Variants in KDM4C observed in about 807,000 individuals in gnomAD.
KDM4C encodes the protein lysine-specific demethylase 4C.
In KDM4C, 81 loss-of-function variants were observed where a neutral mutation model predicts 129.3. The ratio of observed to expected loss-of-function variants is 0.63; its 90% CI spans 0.52 to 0.75. KDM4C has a LOEUF of 0.75. Ranked by LOEUF, KDM4C falls within the 30% of genes least tolerant of loss-of-function variation. The pLI is 0.00. For synonymous variants in KDM4C, 573 were observed against 456.1 expected (o/e 1.26, Z -3.26); for missense variants, 1,457 against 1,304.0 (o/e 1.12, Z -1.81).
chr9:6,815,027 T>C (rs1831829640), intron 4 of KDM4C: 1 of 232,988 alleles, frequency 4.3e-6, no homozygotes, highest in East Asian at 8.2e-5. Flanking sequence ...AAAAATACAT[T>C]ATAAAAATGT....
chr9:6,838,772 G>T (rs1836353956), intron 4 of KDM4C, among the ~76,000 whole-genome samples: 1 of 152,114 alleles, frequency 6.6e-6, no homozygotes, highest in Non-Finnish European at 1.5e-5. Flanking sequence ...TTAGAAAGAA[G>T]CAGCAAAAAA....
chr9:6,874,325 C>T (rs937630418), intron 5 of KDM4C, among the ~76,000 whole-genome samples: 10 of 152,108 alleles, frequency 6.6e-5, no homozygotes, highest in African/African-American at 2.2e-4. Context: ...AATTAGTAAA[C>T]ACTTGGATGT....
At chr9:6,881,316 A>T (rs1844414017) in intron 6 of KDM4C, among the ~76,000 whole-genome samples, 2 of 152,218 alleles carry the variant, frequency 1.3e-5, no homozygotes, top group South Asian at 4.1e-4. Flanking sequence ...TCTTTTTAAA[A>T]ATGTAATACA....
intron 1 of KDM4C, among the ~76,000 whole-genome samples, chr9:6,777,497 T>A (rs1823336893): frequency 6.6e-6 from 1 of 152,214 alleles, no homozygotes; most frequent in Non-Finnish European, 1.5e-5. Flanking sequence ...TCTGCCTCAT[T>A]TTATCTTTTC....
intron 8 of KDM4C, among the ~76,000 whole-genome samples, chr9:6,919,269 T>G (rs867545332): frequency 1.4e-5 from 2 of 147,366 alleles, no homozygotes; most frequent in Admixed American, 6.7e-5. Context: ...CTTTCTTTCT[T>G]TCTGTCTCTC....
intron 1 of KDM4C, among the ~76,000 whole-genome samples, chr9:6,777,494 C>T (rs954478414): frequency 2.6e-5 from 4 of 152,328 alleles, no homozygotes; most frequent in South Asian, 4.1e-4. Flanking sequence ...TGATCTGCCT[C>T]ATTTTATCTT....
chr9:7,027,169 T>G (rs189389534), intron 15 of KDM4C, among the ~76,000 whole-genome samples: 1 of 152,256 alleles, frequency 6.6e-6, no homozygotes, highest in Admixed American at 6.5e-5. Flanking sequence ...GTCTAGGCAT[T>G]AAAGAGTTAG....
At chr9:7,020,549 G>T (rs1410078274) in intron 15 of KDM4C, among the ~76,000 whole-genome samples, 1 of 152,080 alleles carries the variant, frequency 6.6e-6, no homozygotes, top group African/African-American at 2.4e-5. Flanking sequence ...TTTAGAGCAC[G>T]TTCCAAACAT....
intron 4 of KDM4C, among the ~76,000 whole-genome samples, chr9:6,846,698 G>A (rs1297601594): frequency 6.6e-6 from 1 of 152,156 alleles, no homozygotes; most frequent in Non-Finnish European, 1.5e-5. Context: ...TTAACGGGGA[G>A]AAATTCAGTA....
chr9:6,785,638 C>A (rs536996216), intron 1 of KDM4C, among the ~76,000 whole-genome samples: 66 of 152,310 alleles, frequency 4.3e-4, no homozygotes, highest in African/African-American at 1.5e-3. Context: ...CGCCTGGCTT[C>A]TTCTCTTCCT....
intron 17 of KDM4C, among the ~76,000 whole-genome samples, chr9:7,064,010 C>T (rs897150723): frequency 3.9e-5 from 6 of 152,184 alleles, no homozygotes; most frequent in East Asian, 1.9e-4. Context: ...AGCTACCCTG[C>T]GCTTGGAATG....
chr9:7,083,094 A>G (rs1253839765), intron 17 of KDM4C, among the ~76,000 whole-genome samples: 1 of 152,230 alleles, frequency 6.6e-6, no homozygotes, highest in African/African-American at 2.4e-5. Flanking sequence ...CAGTTCAGGA[A>G]CATTTCCTCC....
chr9:7,127,512 T>C (rs2030089016), intron 18 of KDM4C, among the ~76,000 whole-genome samples: 1 of 152,148 alleles, frequency 6.6e-6, no homozygotes. Context: ...AAGAATTGTA[T>C]CCTTCCAAAG....
chr9:7,093,874 G>C (rs1836102571), intron 17 of KDM4C, among the ~76,000 whole-genome samples: 1 of 152,184 alleles, frequency 6.6e-6, no homozygotes, highest in Admixed American at 6.5e-5. Context: ...CCCCGTGACT[G>C]GTATTATCTA....
intron 19 of KDM4C, among the ~76,000 whole-genome samples, chr9:7,144,903 G>A (rs1354809606): frequency 6.6e-6 from 1 of 152,274 alleles, no homozygotes; most frequent in Non-Finnish European, 1.5e-5. Flanking sequence ...TAGGCACCGT[G>A]ATGTCTTTGC....
At chr9:6,929,729 C>T (rs1037571717) in intron 8 of KDM4C, among the ~76,000 whole-genome samples, 1 of 151,876 alleles carries the variant, frequency 6.6e-6, no homozygotes, top group African/African-American at 2.4e-5. Flanking sequence ...TGTATTTGAC[C>T]CCAACTTCTT....
chr9:6,827,015 C>G (rs965659005), intron 4 of KDM4C, among the ~76,000 whole-genome samples: 1 of 151,982 alleles, frequency 6.6e-6, no homozygotes, highest in Non-Finnish European at 1.5e-5. Flanking sequence ...TTGTGTTGGT[C>G]AGTGTGGGGC....
At chr9:7,007,762 A>G (rs1170517339) in intron 12 of KDM4C, among the ~76,000 whole-genome samples, 1 of 152,142 alleles carries the variant, frequency 6.6e-6, no homozygotes, top group Non-Finnish European at 1.5e-5. Context: ...TTTTATTGAT[A>G]TTTACTTACT....
At chr9:7,040,158 A>G (rs890904190) in intron 15 of KDM4C, among the ~76,000 whole-genome samples, 3 of 152,122 alleles carry the variant, frequency 2.0e-5, no homozygotes, top group East Asian at 1.9e-4. Flanking sequence ...TTAAAACAGT[A>G]TAACTTCATT....
Sources: allele counts gnomAD v4.1 joint callset (sites outside exome capture counted in the v4.1 genomes callset), GRCh38; gene constraint gnomAD v4.1.1; transcripts MANE v1.5; gene names NCBI Gene and HGNC (gene_info 2026-07-23, HGNC 2026-07-21).